RAPGEF2: variants seen among roughly 807,000 people sequenced by gnomAD.
The protein encoded by RAPGEF2 is Rap guanine nucleotide exchange factor 2.
In RAPGEF2, 54 loss-of-function variants were observed where a neutral mutation model predicts 186.7. The observed-to-expected ratio is 0.29, with a 90% CI of 0.23 to 0.36. RAPGEF2 has a LOEUF of 0.36. RAPGEF2 is among the 10% of genes least tolerant of loss of function. The pLI, the probability that RAPGEF2 is intolerant of heterozygous loss-of-function variation, is 1.00. For missense variants in RAPGEF2, 1,532 were observed against 2,045.0 expected (o/e 0.75, Z 4.84); for synonymous variants, 712 against 705.9 (o/e 1.01, Z -0.14).
At chr4:159,316,091 A>G (rs922577472) in intron 9 of RAPGEF2, among the ~76,000 whole-genome samples, 13 of 152,170 alleles carry the variant, frequency 8.5e-5, no homozygotes, top group Non-Finnish European at 1.8e-4. Flanking sequence ...GCATCTTCCC[A>G]GATGCTGACG....
chr4:159,281,149 G>C (rs899878552), intron 7 of RAPGEF2, among the ~76,000 whole-genome samples: 1 of 151,736 alleles, frequency 6.6e-6, no homozygotes, highest in Non-Finnish European at 1.5e-5. Context: ...GCACTACCAC[G>C]TGCAGCTAAT....
At chr4:159,147,726 G>C (rs1274000737) in intron 1 of RAPGEF2, among the ~76,000 whole-genome samples, 1 of 152,214 alleles carries the variant, frequency 6.6e-6, no homozygotes, top group Non-Finnish European at 1.5e-5. Flanking sequence ...ATATACATGT[G>C]AGTAGAAATC....
At chr4:159,260,082 T>G (rs896807597) in intron 7 of RAPGEF2, among the ~76,000 whole-genome samples, 1 of 152,058 alleles carries the variant, frequency 6.6e-6, no homozygotes, top group African/African-American at 2.4e-5. Context: ...AATGCAGCCT[T>G]GACCTCCCAG....
intron 1 of RAPGEF2, among the ~76,000 whole-genome samples, chr4:159,168,668 C>G (rs1173385836): frequency 6.6e-6 from 1 of 152,074 alleles, no homozygotes; most frequent in African/African-American, 2.4e-5. Flanking sequence ...AAAACGACAC[C>G]TCTTTTCTAA....
intron 1 of RAPGEF2, among the ~76,000 whole-genome samples, chr4:159,118,493 C>T (rs1227724228): frequency 3.9e-5 from 6 of 152,082 alleles, no homozygotes; most frequent in South Asian, 4.1e-4. Flanking sequence ...TGCACCCCCC[C>T]GCCCAACCCT....
At chr4:159,218,618 C>T (rs1751214017) in intron 4 of RAPGEF2, among the ~76,000 whole-genome samples, 1 of 152,064 alleles carries the variant, frequency 6.6e-6, no homozygotes, top group Non-Finnish European at 1.5e-5. Context: ...ATTAGTCGGG[C>T]TTGGTGGCAC....
At chr4:159,127,837 CA>C (rs1349380886) in intron 1 of RAPGEF2, among the ~76,000 whole-genome samples, 4 of 152,230 alleles carry the variant, frequency 2.6e-5, no homozygotes, top group Admixed American at 2.0e-4. Flanking sequence ...CAACATTGTT[CA>C]GGCTTGTAAA....
intron 4 of RAPGEF2, among the ~76,000 whole-genome samples, chr4:159,230,082 A>G (rs1479651529): frequency 6.6e-6 from 1 of 152,154 alleles, no homozygotes; most frequent in Admixed American, 6.5e-5. Flanking sequence ...AACAATTTAG[A>G]AGGGTTTAAA....
At chr4:159,171,950 A>G (rs1745949055) in intron 1 of RAPGEF2, among the ~76,000 whole-genome samples, 1 of 152,012 alleles carries the variant, frequency 6.6e-6, no homozygotes, top group African/African-American at 2.4e-5. Flanking sequence ...GCAACTTAAA[A>G]CATTTCTTCT....
intron 1 of RAPGEF2, among the ~76,000 whole-genome samples, chr4:159,104,693 C>G (rs907010503): frequency 6.6e-6 from 1 of 152,110 alleles, no homozygotes; most frequent in Non-Finnish European, 1.5e-5. Context: ...CCTCTGACTC[C>G]AGATCCGTTC....
chr4:159,277,342 G>A (rs1310934038), intron 7 of RAPGEF2, among the ~76,000 whole-genome samples: 1 of 152,118 alleles, frequency 6.6e-6, no homozygotes, highest in Non-Finnish European at 1.5e-5. Context: ...ATTTGGGTTG[G>A]TTCCAAGTCT....
chr4:159,357,712 C>T (rs1459571475), intron 29 of RAPGEF2, among the ~76,000 whole-genome samples: 1 of 152,110 alleles, frequency 6.6e-6, no homozygotes, highest in Non-Finnish European at 1.5e-5. Flanking sequence ...AAAAACATTA[C>T]AAATGAAAAT....
At chr4:159,256,598 C>T (rs546105603) in intron 7 of RAPGEF2, among the ~76,000 whole-genome samples, 1 of 152,210 alleles carries the variant, frequency 6.6e-6, no homozygotes, top group African/African-American at 2.4e-5. Context: ...CTATTTCTGC[C>T]TCTAGGTCTT....
At chr4:159,201,539 CT>C (rs1298996384) in intron 3 of RAPGEF2, among the ~76,000 whole-genome samples, 3 of 152,190 alleles carry the variant, frequency 2.0e-5, no homozygotes, top group Non-Finnish European at 4.4e-5. Flanking sequence ...GTAATTTTCA[CT>C]GTGGTTTTTT....
chr4:159,114,986 AG>A (rs1738887864), intron 1 of RAPGEF2, among the ~76,000 whole-genome samples: 1 of 152,230 alleles, frequency 6.6e-6, no homozygotes, highest in Admixed American at 6.5e-5. Context: ...GGACTTTAGT[AG>A]GATATAAAAA....
chr4:159,167,409 A>G (rs1310217537), intron 1 of RAPGEF2, among the ~76,000 whole-genome samples: 1 of 152,184 alleles, frequency 6.6e-6, no homozygotes, highest in Non-Finnish European at 1.5e-5. Flanking sequence ...CTGAGAATAG[A>G]TGCGATATCT....
intron 6 of RAPGEF2, among the ~76,000 whole-genome samples, chr4:159,241,649 A>G (rs1462543296): frequency 2.6e-5 from 4 of 151,594 alleles, no homozygotes; most frequent in African/African-American, 7.3e-5. Flanking sequence ...TAACATGTCA[A>G]CAGACTTTGC....
chr4:159,187,517 T>G (rs946825200), intron 2 of RAPGEF2, among the ~76,000 whole-genome samples: 1 of 152,234 alleles, frequency 6.6e-6, no homozygotes, highest in Non-Finnish European at 1.5e-5. Flanking sequence ...GTCCATTATT[T>G]TAGTATGTTG....
At chr4:159,316,167 T>C (rs1764575176) in intron 9 of RAPGEF2, among the ~76,000 whole-genome samples, 1 of 152,180 alleles carries the variant, frequency 6.6e-6, no homozygotes, top group Non-Finnish European at 1.5e-5. Context: ...CGCACTCTTG[T>C]CTTCTGGTCA....
Sources: gnomAD v4.1 joint callset for allele counts (sites outside exome capture counted in the v4.1 genomes callset) on GRCh38, gnomAD v4.1.1 for gene constraint, MANE v1.5 for transcripts, NCBI Gene and HGNC (gene_info 2026-07-23, HGNC 2026-07-21) for gene names.